Variants in CCDC144A observed in about 807,000 individuals in gnomAD.
The protein encoded by CCDC144A is coiled-coil domain containing 144A.
In CCDC144A, 41 loss-of-function variants were observed where a neutral mutation model predicts 143.8. The observed-to-expected ratio is 0.29, with a 90% CI of 0.22 to 0.37. The LOEUF is 0.37. Ranked by LOEUF, CCDC144A falls within the 10% of genes least tolerant of loss-of-function variation. The pLI is 1.00. For synonymous variants in CCDC144A, 242 were observed against 517.9 expected, an observed-to-expected ratio of 0.47 and a Z score of 7.23; for missense variants, 637 against 1,488.8, an observed-to-expected ratio of 0.43 and a Z score of 9.41.
rs1159563055 is a variant in CCDC144A at position 16,777,110 on chromosome 17, CAA to C, written c.*3479_*3480del. The stretch of plus-strand genomic sequence containing the variant: ...TAAGACAACAGCAGTTTTAAAAAGA[CAA>C]AGAGGGACATTATATAATGATAAAA... On this transcript the variant is annotated 3_prime_UTR_variant, in exon 17 of 17. Transcript: ENST00000399273. The C allele has an allele frequency of 5.8e-5, 8 of 138,984 alleles. No individual in the cohort carries two copies. The highest frequency in any genetic ancestry group is 8.4e-5 in the African/African-American group (3 of 35,572). The allele number at this position is 138,984 out of a possible 1,614,324, so 8.6% of individuals were successfully genotyped here. A position where few individuals can be genotyped will look rare whatever the true frequency, so the allele number is the denominator to read the frequency against.
intron 12 of CCDC144A, among the ~76,000 whole-genome samples, chr17:16,753,661 G>T (rs1490872757): frequency 6.6e-6 from 1 of 152,044 alleles, no homozygotes; most frequent in Admixed American, 6.6e-5. Flanking sequence ...GTTCTAACAG[G>T]CTCTTTTGGT....
At chr17:16,753,444 T>G (rs866640101) in intron 12 of CCDC144A, among the ~76,000 whole-genome samples, 3,629 of 127,670 alleles carry the variant, frequency 0.028, 15 homozygotes, top group Non-Finnish European at 0.039. Context: ...TTTTTTTTTT[T>G]TTTTTTTTTT....
chr17:16,707,984 T>C (rs1912154882), intron 4 of CCDC144A, among the ~76,000 whole-genome samples: 1 of 152,162 alleles, frequency 6.6e-6, no homozygotes, highest in Admixed American at 6.5e-5. Context: ...AGGTTAAAGA[T>C]GTGGCCTTTC....
chr17:16,745,872 C>G, intron 12 of CCDC144A: 1 of 1,595,074 alleles, frequency 6.3e-7, no homozygotes, highest in Non-Finnish European at 8.5e-7. Context: ...CCCCTTCTTC[C>G]CTCTGTCTTG....
chr17:16,753,737 GT>G (rs1225925949), intron 12 of CCDC144A, among the ~76,000 whole-genome samples: 2 of 152,112 alleles, frequency 1.3e-5, no homozygotes, highest in African/African-American at 4.8e-5. Context: ...TTGACTTTCT[GT>G]TTTCCAATCT....
the CCDC144A span, among the ~76,000 whole-genome samples, chr17:16,676,218 TA>T: frequency 2.0e-5 from 3 of 151,948 alleles, no homozygotes; most frequent in African/African-American, 7.2e-5. Flanking sequence ...TAAGAGTGTA[TA>T]ATAGTTCTCA....
chr17:16,758,700 C>T (rs1196891236), intron 12 of CCDC144A, among the ~76,000 whole-genome samples: 1 of 152,168 alleles, frequency 6.6e-6, no homozygotes, highest in Admixed American at 6.5e-5. Flanking sequence ...AAGCAATGAC[C>T]TGTGTTTTCA....
chr17:16,710,895 G>A (rs2143129646), intron 5 of CCDC144A, among the ~76,000 whole-genome samples: 1 of 150,832 alleles, frequency 6.6e-6, no homozygotes, highest in South Asian at 2.1e-4. Flanking sequence ...AGGGGCTTTG[G>A]ATCAATCATT....
At chr17:16,690,778 G>A (rs571511477) in intron 1 of CCDC144A, 34 bp downstream of exon 1, 6 of 1,552,960 alleles carry the variant, frequency 3.9e-6, no homozygotes, top group East Asian at 2.3e-5. Context: ...CCGTCCTGTC[G>A]GGGACACTGG....
the CCDC144A span, among the ~76,000 whole-genome samples, chr17:16,673,332 T>C: frequency 6.6e-6 from 1 of 152,178 alleles, no homozygotes; most frequent in Non-Finnish European, 1.5e-5. Flanking sequence ...AAGTTCATTT[T>C]TTATGCTGTT....
intron 2 of CCDC144A, among the ~76,000 whole-genome samples, chr17:16,696,663 AAAG>A (rs1159132045): frequency 6.6e-6 from 1 of 151,902 alleles, no homozygotes; most frequent in Non-Finnish European, 1.5e-5. Flanking sequence ...AGAAAAGAAA[AAAG>A]AAAGAAATGA....
At chr17:16,675,050 C>A in the CCDC144A span, among the ~76,000 whole-genome samples, 1 of 151,924 alleles carries the variant, frequency 6.6e-6, no homozygotes, top group Non-Finnish European at 1.5e-5. Flanking sequence ...GAATGGATCA[C>A]CTGAGGCCAG....
chr17:16,730,990 C>T (rs1913714637), intron 9 of CCDC144A, among the ~76,000 whole-genome samples: 1 of 148,620 alleles, frequency 6.7e-6, no homozygotes, highest in Non-Finnish European at 1.5e-5. Context: ...CTGGCTAGGA[C>T]TTCCCAGTTT....
intron 8 of CCDC144A, among the ~76,000 whole-genome samples, chr17:16,723,983 TA>T: frequency 6.6e-6 from 1 of 152,008 alleles, no homozygotes; most frequent in Admixed American, 6.5e-5. Context: ...CATTAAGTGC[TA>T]AAAAATTTTA....
chr17:16,754,641 T>C (rs1406311198), intron 12 of CCDC144A, among the ~76,000 whole-genome samples: 1 of 152,238 alleles, frequency 6.6e-6, no homozygotes, highest in Non-Finnish European at 1.5e-5. Flanking sequence ...GCTTTTAAAC[T>C]CAATATATGG....
the CCDC144A span, among the ~76,000 whole-genome samples, chr17:16,678,566 CTTTTTTTCTTT>C: frequency 7.0e-6 from 1 of 142,492 alleles, no homozygotes; most frequent in Non-Finnish European, 1.5e-5. Context: ...GTTCTTTCTT[CTTTTTTTCTTT>C]TTCTTTTCTT....
intron 11 of CCDC144A, among the ~76,000 whole-genome samples, chr17:16,733,372 G>A (rs1913838885): frequency 6.8e-6 from 1 of 147,144 alleles, no homozygotes; most frequent in African/African-American, 2.5e-5. Context: ...GCGTGGTGGC[G>A]GGAACCTGTA....
intron 9 of CCDC144A, among the ~76,000 whole-genome samples, chr17:16,729,392 T>A (rs1448353437): frequency 6.6e-6 from 1 of 152,262 alleles, no homozygotes; most frequent in African/African-American, 2.4e-5. Context: ...CATCTTCTTT[T>A]GAAAAATGTC....
chr17:16,703,552 G>C (rs937777192), intron 2 of CCDC144A, among the ~76,000 whole-genome samples: 38 of 152,164 alleles, frequency 2.5e-4, no homozygotes, highest in South Asian at 8.3e-4. Context: ...CGCCTGTAAT[G>C]CCAGCACTTT....
Sources: gnomAD v4.1 joint callset for allele counts (sites outside exome capture counted in the v4.1 genomes callset) on GRCh38, gnomAD v4.1.1 for gene constraint, MANE v1.5 for transcripts, NCBI Gene and HGNC (gene_info 2026-07-23, HGNC 2026-07-21) for gene names.